ADAM23: variants seen among roughly 807,000 people sequenced by gnomAD.
The protein encoded by ADAM23 is ADAM metallopeptidase domain 23, also known as disintegrin and metalloproteinase domain-containing protein 23.
A neutral mutation model predicts 120.1 loss-of-function variants in ADAM23; 33 were observed. The ratio of observed to expected loss-of-function variants is 0.27; its 90% CI spans 0.21 to 0.37. The LOEUF (loss-of-function observed/expected upper bound fraction) is 0.37, where lower values mean the gene tolerates loss of function less well. ADAM23 is among the 10% of genes least tolerant of loss of function. The pLI is 1.00. For synonymous variants in ADAM23, 367 were observed against 375.2 expected (o/e 0.98, Z 0.25); for missense variants, 862 against 1,058.2 (o/e 0.81, Z 2.57).
At chr2:206,444,294 C>T (rs1025936966) in intron 1 of ADAM23, among the ~76,000 whole-genome samples, 2 of 152,236 alleles carry the variant, frequency 1.3e-5, no homozygotes, top group African/African-American at 4.8e-5. Flanking sequence ...AAAACCCATT[C>T]CAATTCTTGT....
chr2:206,477,081 A>G (rs1473117478), intron 2 of ADAM23, among the ~76,000 whole-genome samples: 4 of 152,208 alleles, frequency 2.6e-5, no homozygotes, highest in Non-Finnish European at 4.4e-5. Context: ...AGAAAACACA[A>G]TAGTATCTAT....
chr2:206,499,504 G>GA (rs1696336561), intron 3 of ADAM23, among the ~76,000 whole-genome samples: 2 of 125,150 alleles, frequency 1.6e-5, no homozygotes. Context: ...GGGGTGGGGG[G>GA]AGGGGGGATA....
chr2:206,584,640 G>T (rs554616941), intron 18 of ADAM23, among the ~76,000 whole-genome samples: 1 of 152,170 alleles, frequency 6.6e-6, no homozygotes, highest in East Asian at 1.9e-4. Context: ...GCTCAGACAC[G>T]CCTAGTCCTG....
intron 2 of ADAM23, among the ~76,000 whole-genome samples, chr2:206,466,327 G>C (rs917468959): frequency 6.6e-6 from 1 of 152,128 alleles, no homozygotes; most frequent in Admixed American, 6.5e-5. Flanking sequence ...GATGCTCTTG[G>C]ACTTGAATTC....
At chr2:206,526,155 CACACACACACACACACACACACACAG>C (rs1696942033) in intron 3 of ADAM23, among the ~76,000 whole-genome samples, 1 of 150,276 alleles carries the variant, frequency 6.7e-6, no homozygotes, top group Non-Finnish European at 1.5e-5. Flanking sequence ...CACACACACA[CACACACACACACACACACACACACAG>C]ACACACACAG....
In ADAM23 at chr2:206,578,710, G is replaced by T. The variant is rs564393689; in HGVS notation, c.1737+5515G>T. 3.3e-5 allele frequency among the ~76,000 whole-genome samples: 5 copies of T among 152,122 alleles called. 1 individual carries two copies. Among genetic ancestry groups the T allele is most frequent in the Non-Finnish European group, 7.3e-5 (5 of 68,032 alleles). The stretch of plus-strand genomic sequence containing the variant: ...ATTGTGCTACTATAAACATCTGTGC[G>T]CAAGTATCTTTTTTGAATAATGACG... On this transcript the variant is annotated intron_variant, in intron 18 of 25. Transcript: ENST00000264377.
At chr2:206,494,065 G>A (rs959038666) in intron 3 of ADAM23, among the ~76,000 whole-genome samples, 4 of 152,112 alleles carry the variant, frequency 2.6e-5, no homozygotes, top group African/African-American at 2.4e-5. Flanking sequence ...TGATCACCAC[G>A]CTCAAGCTAA....
At chr2:206,602,558 G>C (rs1005277135) in intron 24 of ADAM23, among the ~76,000 whole-genome samples, 1 of 152,080 alleles carries the variant, frequency 6.6e-6, no homozygotes, top group Non-Finnish European at 1.5e-5. Context: ...TGATGACTTT[G>C]ATGCCTCCTG....
chr2:206,560,677 A>G (rs1697745220), intron 11 of ADAM23, among the ~76,000 whole-genome samples: 1 of 152,158 alleles, frequency 6.6e-6, no homozygotes, highest in South Asian at 2.1e-4. Flanking sequence ...TGGCAAAGCT[A>G]TTTTCAGATA....
At chr2:206,516,831 A>G (rs1323455527) in intron 3 of ADAM23, among the ~76,000 whole-genome samples, 1 of 152,122 alleles carries the variant, frequency 6.6e-6, no homozygotes, top group Non-Finnish European at 1.5e-5. Flanking sequence ...GCAAATATTC[A>G]GTGAGCTGGC....
At chr2:206,481,211 T>C in intron 2 of ADAM23, 21 bp from the exon 3 acceptor site, 1 of 1,586,324 alleles carries the variant, frequency 6.3e-7, no homozygotes, top group Middle Eastern at 1.7e-4. Flanking sequence ...TTAAGGTTCT[T>C]CTGTCTTTTT....
chr2:206,443,545 G>A lies in ADAM23; in HGVS notation c.-322G>A, dbSNP rs1694998347. 1 of 119,536 alleles carries A rather than the reference G, an allele frequency of 8.4e-6. No homozygotes were observed. The highest frequency in any genetic ancestry group is 2.0e-5 in the Non-Finnish European group (1 of 50,934). 7.4% of individuals were successfully genotyped at this position (119,536 alleles called of 1,614,324 possible). On this transcript the variant is annotated 5_prime_UTR_variant, in exon 1 of 26. Transcript: ENST00000264377. ...CGCCGCCTCAGCATCCTCAGGCCCG[G>A]CGGCAGCCCCCGCAGTCGCTGAAGC...
At chr2:206,494,470 G>A (rs527695999) in intron 3 of ADAM23, among the ~76,000 whole-genome samples, 25 of 152,200 alleles carry the variant, frequency 1.6e-4, no homozygotes, top group African/African-American at 2.7e-4. Flanking sequence ...GATGCAGTTC[G>A]TTTAAGGAGC....
intron 3 of ADAM23, among the ~76,000 whole-genome samples, chr2:206,515,021 T>C (rs1276261346): frequency 2.0e-5 from 3 of 152,228 alleles, no homozygotes; most frequent in African/African-American, 7.2e-5. Flanking sequence ...ACTTGCTTTA[T>C]TGTGGTAGTC....
intron 15 of ADAM23, among the ~76,000 whole-genome samples, chr2:206,569,330 A>T (rs1048009503): frequency 6.6e-6 from 1 of 152,168 alleles, no homozygotes; most frequent in African/African-American, 2.4e-5. Context: ...CTATTTTTTA[A>T]AAAGTTAGTA....
Position 206,443,857 on chromosome 2 carries a change from G to A in ADAM23, c.-10G>A. On this transcript the variant is annotated 5_prime_UTR_variant, in exon 1 of 26. Transcript: ENST00000264377. ...CGGCCACACGGAGCGGCGCCCGGGA[G>A]CTATGAGCCATGAAGCCGCCCGGCA... 8.9e-7 allele frequency: 1 copy of A among 1,125,872 alleles called. No homozygotes were observed. The highest frequency in any genetic ancestry group is 1.1e-6 in the Non-Finnish European group (1 of 922,254). The allele number at this position is 1,125,872 out of a possible 1,614,324, so 69.7% of individuals were successfully genotyped here.
intron 3 of ADAM23, among the ~76,000 whole-genome samples, chr2:206,517,442 C>G (rs1487462152): frequency 6.6e-6 from 1 of 152,084 alleles, no homozygotes; most frequent in African/African-American, 2.4e-5. Context: ...AGCTGCTTGA[C>G]TTGTTGACTC....
Position 206,444,030 on chromosome 2 carries a change from C to A in ADAM23, c.164C>A (p.Pro55Gln). The part of the protein sequence containing the change: ...RLLLVLLLLP[P>Q]LAASSRPRAW... The stretch of plus-strand genomic sequence containing the variant: ...CTTCTCGTCCTTCTCCTGCTGCCTC[C>A]GCTCGCCGCCTCGTCCCGGCCCCGC... Residue 55 changes from proline (P) to glutamine (Q), a missense_variant, in exon 1 of 26, where the codon CCG becomes CAG. This residue lies in a region of ADAM23 where 225 missense variants were observed against 204.0 expected (regional missense o/e 1.10). Coordinates refer to ENST00000264377, the MANE Select transcript of ADAM23 (RefSeq NM_003812.4). 3 of 1,411,050 alleles carry A rather than the reference C, an allele frequency of 2.1e-6. No individual in the cohort carries two copies. Among genetic ancestry groups the A allele is most frequent in the Non-Finnish European group, 2.8e-6 (3 of 1,079,092 alleles). The allele number at this position is 1,411,050 out of a possible 1,614,324, so 87.4% of individuals were successfully genotyped here. A position where few individuals can be genotyped will look rare whatever the true frequency, so the allele number is the denominator to read the frequency against.
chr2:206,487,496 C>T (rs144565894), intron 3 of ADAM23, among the ~76,000 whole-genome samples: 25 of 152,286 alleles, frequency 1.6e-4, no homozygotes, highest in Admixed American at 9.2e-4. Context: ...AGCATGCTCG[C>T]GAGACACTTG....
Sources: allele counts gnomAD v4.1 joint callset (sites outside exome capture counted in the v4.1 genomes callset), GRCh38; gene constraint gnomAD v4.1.1; regional missense constraint gnomAD v4.1.1; transcripts MANE v1.5; gene names NCBI Gene and HGNC (gene_info 2026-07-23, HGNC 2026-07-21).